Variants in ACTR3C observed in about 807,000 individuals in gnomAD.
The protein encoded by ACTR3C is actin related protein 3C.
ACTR3C carries 18 observed loss-of-function variants against 26.3 expected under a neutral mutation model. The observed-to-expected ratio is 0.68, with a 90% CI of 0.47 to 1.01. The LOEUF is 1.01. Ranked by LOEUF, ACTR3C falls within the 50% of genes least tolerant of loss-of-function variation. ACTR3C has a pLI of 0.00. For synonymous variants in ACTR3C, 55 were observed against 94.5 expected (o/e 0.58, Z 2.42); for missense variants, 184 against 250.7 (o/e 0.73, Z 1.80).
chr7:150,301,421 G>C (rs1028032343), intron 1 of ACTR3C, among the ~76,000 whole-genome samples: 8 of 152,198 alleles, frequency 5.3e-5, no homozygotes, highest in African/African-American at 1.9e-4. Flanking sequence ...TTCTCTCTGG[G>C]TCTAAGTTCA....
chr7:149,885,822 T>C, the ACTR3C span, among the ~76,000 whole-genome samples: 1 of 152,228 alleles, frequency 6.6e-6, no homozygotes, highest in African/African-American at 2.4e-5. Context: ...CAGCAATTGA[T>C]TCAGCAAACA....
At chr7:150,120,304 T>A in the ACTR3C span, among the ~76,000 whole-genome samples, 1 of 152,050 alleles carries the variant, frequency 6.6e-6, no homozygotes, top group South Asian at 2.1e-4. Flanking sequence ...AGCTGGTTTT[T>A]TCAAAAGATT....
the ACTR3C span, among the ~76,000 whole-genome samples, chr7:149,916,952 A>AT: frequency 6.6e-6 from 1 of 152,220 alleles, no homozygotes; most frequent in African/African-American, 2.4e-5. Flanking sequence ...TCAAAGCAAT[A>AT]TAAAAAGGTA....
chr7:150,169,050 A>C, the ACTR3C span, among the ~76,000 whole-genome samples: 1 of 150,580 alleles, frequency 6.6e-6, no homozygotes, highest in Non-Finnish European at 1.5e-5. Flanking sequence ...CGAGGTCATG[A>C]AGATGGGGCT....
the ACTR3C span, among the ~76,000 whole-genome samples, chr7:150,214,145 T>G: frequency 1.3e-5 from 2 of 152,194 alleles, no homozygotes; most frequent in African/African-American, 4.8e-5. Context: ...AGAGTTTCCA[T>G]AACATGCATG....
the ACTR3C span, among the ~76,000 whole-genome samples, chr7:150,146,668 A>G: frequency 6.6e-6 from 1 of 152,130 alleles, no homozygotes; most frequent in Non-Finnish European, 1.5e-5. Context: ...CTGGCCTTCA[A>G]AACATCCGGG....
At chr7:150,102,049 T>C in the ACTR3C span, among the ~76,000 whole-genome samples, 3 of 151,708 alleles carry the variant, frequency 2.0e-5, no homozygotes, top group African/African-American at 4.9e-5. Flanking sequence ...ACTTCCCATC[T>C]CATTACAAGT....
chr7:150,059,615 G>C, the ACTR3C span, among the ~76,000 whole-genome samples: 1 of 152,182 alleles, frequency 6.6e-6, no homozygotes, highest in Non-Finnish European at 1.5e-5. Flanking sequence ...GGAGGAGGGA[G>C]AGGGGAAAAG....
chr7:150,137,286 C>A, the ACTR3C span, among the ~76,000 whole-genome samples: 1 of 152,200 alleles, frequency 6.6e-6, no homozygotes, highest in Non-Finnish European at 1.5e-5. Context: ...GCAAGACAAC[C>A]TGGGCACCTT....
the ACTR3C span, among the ~76,000 whole-genome samples, chr7:149,885,037 G>A: frequency 0.029 from 4,433 of 152,158 alleles, 90 homozygotes; most frequent in Middle Eastern, 0.048. Context: ...GGGAGCACGG[G>A]AGGGCACTGT....
At chr7:150,085,737 T>C in the ACTR3C span, among the ~76,000 whole-genome samples, 2 of 152,118 alleles carry the variant, frequency 1.3e-5, no homozygotes, top group African/African-American at 4.8e-5. Flanking sequence ...TATCCATCAT[T>C]ATCAAGCAGG....
chr7:150,300,018 G>T (rs977817515), intron 1 of ACTR3C, among the ~76,000 whole-genome samples: 2 of 151,826 alleles, frequency 1.3e-5, no homozygotes, highest in Non-Finnish European at 2.9e-5. Context: ...AATCCAAGGT[G>T]TGCAACAGTA....
chr7:150,196,820 G>C, the ACTR3C span, among the ~76,000 whole-genome samples: 1 of 152,118 alleles, frequency 6.6e-6, no homozygotes, highest in Admixed American at 6.5e-5. Context: ...TCAGTACCTT[G>C]GGTTTAGGAT....
chr7:150,212,344 G>A, the ACTR3C span, among the ~76,000 whole-genome samples: 1 of 148,422 alleles, frequency 6.7e-6, no homozygotes, highest in African/African-American at 2.6e-5. Context: ...CTCTATTCCT[G>A]GAAACTTAAC....
At chr7:150,256,790 A>G (rs984618015) in intron 6 of ACTR3C, among the ~76,000 whole-genome samples, 1 of 152,220 alleles carries the variant, frequency 6.6e-6, no homozygotes, top group African/African-American at 2.4e-5. Context: ...AACACATGTG[A>G]TGTGGGAGCA....
the ACTR3C span, among the ~76,000 whole-genome samples, chr7:149,984,100 A>C: frequency 6.6e-6 from 1 of 151,856 alleles, no homozygotes; most frequent in Admixed American, 6.6e-5. Context: ...TCTCATGTTA[A>C]GTGTTCTTAT....
chr7:150,248,008 C>G (rs1832562709), intron 7 of ACTR3C: 3 of 152,294 alleles, frequency 2.0e-5, no homozygotes, highest in Admixed American at 2.0e-4. Context: ...ATCTCAGGAT[C>G]TGGGGCAAAG....
At chr7:150,023,290 CATAGATAGATAGATAG>C in the ACTR3C span, among the ~76,000 whole-genome samples, 5 of 77,530 alleles carry the variant, frequency 6.4e-5, no homozygotes, top group Non-Finnish European at 1.3e-4. Context: ...TATGGAGATA[CATAGATAGATAGATAG>C]ATAGATAGAT....
the ACTR3C span, among the ~76,000 whole-genome samples, chr7:150,126,592 G>T: frequency 2.0e-5 from 3 of 152,162 alleles, no homozygotes; most frequent in Non-Finnish European, 4.4e-5. Context: ...TACAAAAGGT[G>T]CAAGTGGCTT....
Sources: gnomAD v4.1 joint callset for allele counts (sites outside exome capture counted in the v4.1 genomes callset) on GRCh38, gnomAD v4.1.1 for gene constraint, MANE v1.5 for transcripts, NCBI Gene and HGNC (gene_info 2026-07-23, HGNC 2026-07-21) for gene names.